Variants in SEMA6D observed in about 807,000 individuals in gnomAD.
SEMA6D encodes the protein semaphorin-6D.
A neutral mutation model predicts 106.6 loss-of-function variants in SEMA6D; 35 were observed. The ratio of observed to expected loss-of-function variants is 0.33; its 90% CI spans 0.25 to 0.44. SEMA6D has a LOEUF of 0.44. Ranked by LOEUF, SEMA6D falls within the 20% of genes least tolerant of loss-of-function variation. SEMA6D has a pLI of 1.00. For missense variants in SEMA6D, 1,185 were observed against 1,345.9 expected (o/e 0.88, Z 1.87); for synonymous variants, 499 against 487.7 (o/e 1.02, Z -0.31).
At chr15:47,419,566 G>T (rs921506524) in intron 2 of SEMA6D, among the ~76,000 whole-genome samples, 3 of 152,062 alleles carry the variant, frequency 2.0e-5, no homozygotes, top group African/African-American at 7.2e-5. Context: ...AAAAGGCCTG[G>T]ACACAGTAAT....
rs2082607103 is a variant in SEMA6D at position 47,771,154 on chromosome 15, C to T, written c.2591C>T (p.Ser864Phe). 1 of 1,613,976 alleles carries T rather than the reference C, an allele frequency of 6.2e-7. No individual in the cohort carries two copies. Among genetic ancestry groups the T allele is most frequent in the African/African-American group, 1.3e-5 (1 of 74,924 alleles). The change falls in exon 19 of 19, where the codon TCC (serine) becomes TTC (phenylalanine). Residue 864 changes from serine (S) to phenylalanine (F), a missense_variant. Transcript: ENST00000536845. ...ATTGATCACCCTCTCACAAAGTCAT[C>T]CAGTAAGAGAGATCACCGGCGTTCT... The part of the protein sequence containing the change: ...QNIDHPLTKS[S>F]SKRDHRRSVD...
At chr15:47,328,099 A>T (rs976831635) in intron 1 of SEMA6D, among the ~76,000 whole-genome samples, 2 of 151,716 alleles carry the variant, frequency 1.3e-5, no homozygotes, top group Non-Finnish European at 2.9e-5. Flanking sequence ...CTTGGCTCAC[A>T]GATGGAAAGA....
At chr15:47,585,370 A>T (rs970857261) in intron 3 of SEMA6D, among the ~76,000 whole-genome samples, 1 of 152,228 alleles carries the variant, frequency 6.6e-6, no homozygotes, top group African/African-American at 2.4e-5. Flanking sequence ...GGTAAATACC[A>T]CAACATTATT....
At chr15:47,532,525 A>G (rs1459980372) in intron 3 of SEMA6D, among the ~76,000 whole-genome samples, 5 of 152,134 alleles carry the variant, frequency 3.3e-5, no homozygotes, top group South Asian at 2.1e-4. Flanking sequence ...TTGAGTTGCT[A>G]TGGCACTGAT....
At chr15:47,324,682 A>G (rs149921575) in intron 1 of SEMA6D, among the ~76,000 whole-genome samples, 2 of 150,270 alleles carry the variant, frequency 1.3e-5, no homozygotes, top group African/African-American at 4.9e-5. Context: ...ATTATATTTA[A>G]ATATATGCTA....
chr15:47,752,851 G>A (rs1246835951), intron 1 of SEMA6D, among the ~76,000 whole-genome samples: 2 of 151,512 alleles, frequency 1.3e-5, no homozygotes, highest in African/African-American at 4.8e-5. Flanking sequence ...TCTTCTAAAA[G>A]TATAAAAATT....
intron 1 of SEMA6D, among the ~76,000 whole-genome samples, chr15:47,251,907 ATTTTTTTTTT>A (rs994788645): frequency 4.9e-5 from 4 of 81,998 alleles, no homozygotes; most frequent in African/African-American, 1.1e-4. Context: ...TTCTAATTGG[ATTTTTTTTTT>A]TTTTTTTTTT....
At chr15:47,678,025 G>A (rs901716554) in intron 4 of SEMA6D, among the ~76,000 whole-genome samples, 9 of 152,152 alleles carry the variant, frequency 5.9e-5, no homozygotes, top group Non-Finnish European at 1.2e-4. Context: ...ACCACCCTGT[G>A]AACATTAATT....
chr15:47,442,206 T>C (rs1329195409), intron 2 of SEMA6D, among the ~76,000 whole-genome samples: 1 of 152,064 alleles, frequency 6.6e-6, no homozygotes, highest in Non-Finnish European at 1.5e-5. Context: ...ATGGTGCACA[T>C]CAAATTTTGT....
intron 1 of SEMA6D, among the ~76,000 whole-genome samples, chr15:47,379,188 C>T (rs1276223947): frequency 2.6e-5 from 4 of 152,178 alleles, no homozygotes; most frequent in African/African-American, 7.2e-5. Context: ...GTTTACATTT[C>T]TCTGACCAAA....
chr15:47,586,337 A>AGATACAT (rs1280009897), intron 3 of SEMA6D, among the ~76,000 whole-genome samples: 1 of 152,220 alleles, frequency 6.6e-6, no homozygotes, highest in African/African-American at 2.4e-5. Flanking sequence ...TTAATTTAGA[A>AGATACAT]GATACATCAA....
intron 3 of SEMA6D, among the ~76,000 whole-genome samples, chr15:47,484,138 T>C (rs2043227973): frequency 6.6e-6 from 1 of 152,184 alleles, no homozygotes; most frequent in Admixed American, 6.5e-5. Flanking sequence ...CTCTGTTCCT[T>C]TTGGCACAAT....
intron 1 of SEMA6D, among the ~76,000 whole-genome samples, chr15:47,300,654 C>T (rs2035985346): frequency 6.6e-6 from 1 of 152,018 alleles, no homozygotes; most frequent in African/African-American, 2.4e-5. Context: ...ATTTATTAAT[C>T]AGTAATAGGT....
chr15:47,662,935 G>A (rs182376246), intron 4 of SEMA6D, among the ~76,000 whole-genome samples: 17 of 151,822 alleles, frequency 1.1e-4, no homozygotes, highest in African/African-American at 4.1e-4. Flanking sequence ...GCAAATCAAG[G>A]ATGTGTATTT....
chr15:47,773,653 T>A lies in SEMA6D; in HGVS notation c.*1868T>A, dbSNP rs2082727006. On this transcript the variant is annotated 3_prime_UTR_variant, in exon 19 of 19. Coordinates refer to ENST00000536845, the MANE Select transcript of SEMA6D (RefSeq NM_001358351.3). ...ATACTGATACAGTTATTCTTTTTTTTAAAGAACATTGTTTTATAAAGAACG... is the reference window on the plus strand; with the variant it reads ...ATACTGATACAGTTATTCTTTTTTTAAAAGAACATTGTTTTATAAAGAACG... The A allele has an allele frequency of 6.6e-6, 1 of 152,626 alleles. No individual in the cohort carries two copies. Among genetic ancestry groups the A allele is most frequent in the Non-Finnish European group, 1.5e-5 (1 of 68,044 alleles). 9.5% of individuals were successfully genotyped at this position (152,626 alleles called of 1,614,324 possible).
At chr15:47,666,221 C>T (rs886804653) in intron 4 of SEMA6D, among the ~76,000 whole-genome samples, 2 of 152,200 alleles carry the variant, frequency 1.3e-5, no homozygotes, top group African/African-American at 4.8e-5. Context: ...TTTACATCTT[C>T]ACTGTGCCAT....
At chr15:47,696,959 G>A (rs1205471814) in intron 4 of SEMA6D, among the ~76,000 whole-genome samples, 1 of 152,114 alleles carries the variant, frequency 6.6e-6, no homozygotes, top group African/African-American at 2.4e-5. Flanking sequence ...TGCGGTTGTT[G>A]TCATCTTCAT....
chr15:47,669,047 T>C (rs2078088243), intron 4 of SEMA6D, among the ~76,000 whole-genome samples: 1 of 152,238 alleles, frequency 6.6e-6, no homozygotes. Context: ...TGTTTGGCTT[T>C]ATCTCTATTT....
At chr15:47,752,981 C>T (rs1248527953) in intron 1 of SEMA6D, among the ~76,000 whole-genome samples, 1 of 151,108 alleles carries the variant, frequency 6.6e-6, no homozygotes, top group Non-Finnish European at 1.5e-5. Context: ...TGCACTCCAC[C>T]CTGGGCAACA....
Sources: allele counts gnomAD v4.1 joint callset (sites outside exome capture counted in the v4.1 genomes callset), GRCh38; gene constraint gnomAD v4.1.1; transcripts MANE v1.5; gene names NCBI Gene and HGNC (gene_info 2026-07-23, HGNC 2026-07-21).